Variants in RAB2A observed in about 807,000 individuals in gnomAD.
RAB2A encodes RAB2A, member RAS oncogene family.
A neutral mutation model predicts 32.5 loss-of-function variants in RAB2A; 7 were observed. That is an observed-to-expected ratio of 0.22 (90% confidence interval 0.12 to 0.40). RAB2A has a LOEUF of 0.40. RAB2A is among the 10% of genes least tolerant of loss of function. The pLI, the probability that RAB2A is intolerant of heterozygous loss-of-function variation, is 1.00. For synonymous variants in RAB2A, 79 were observed against 85.2 expected (o/e 0.93, Z 0.40); for missense variants, 108 against 260.7 (o/e 0.41, Z 4.03).
At chr8:60,518,528 C>T (rs1040687183) in intron 1 of RAB2A, among the ~76,000 whole-genome samples, 1 of 137,598 alleles carries the variant, frequency 7.3e-6, no homozygotes, top group Non-Finnish European at 1.5e-5. Context: ...TCGTGGCAGG[C>T]GCCTGTAATC....
intron 7 of RAB2A, among the ~76,000 whole-genome samples, chr8:60,619,448 A>G (rs908221251): frequency 1.3e-5 from 2 of 152,184 alleles, no homozygotes; most frequent in African/African-American, 4.8e-5. Flanking sequence ...TTGTGTTAGG[A>G]AGCCATTATG....
At chr8:60,534,090 C>G (rs1807522034) in intron 1 of RAB2A, among the ~76,000 whole-genome samples, 1 of 152,146 alleles carries the variant, frequency 6.6e-6, no homozygotes, top group Non-Finnish European at 1.5e-5. Context: ...GCCACAATAA[C>G]TATAAGAAAA....
Position 60,572,082 on chromosome 8 carries a change from G to C in RAB2A, c.155G>C (p.Gly52Ala). 6.2e-7 allele frequency: 1 copy of C among 1,608,432 alleles called. No homozygotes were observed. The part of the protein sequence containing the change: ...EFGARMITID[G>A]KQIKLQIWDT... ...GGTGCTCGAATGATAACTATTGATG[G>C]GAAACAGATAAAACTTCAGATATGG... Residue 52 changes from glycine to alanine, a missense_variant, in exon 3 of 8, where the codon GGG (glycine) becomes GCG (alanine). This residue lies in a region of RAB2A where 79 missense variants were observed against 199.8 expected (regional missense o/e 0.40). Transcript: ENST00000262646.
intron 2 of RAB2A, among the ~76,000 whole-genome samples, chr8:60,564,357 G>A (rs1349725947): frequency 6.6e-6 from 1 of 152,120 alleles, no homozygotes; most frequent in Admixed American, 6.5e-5. Context: ...TGCTTTAGTA[G>A]TTCTTTTTGC....
chr8:60,583,937 G>A, intron 3 of RAB2A: 1 of 278,602 alleles, frequency 3.6e-6, no homozygotes, highest in Non-Finnish European at 7.1e-6. Context: ...AAATTGGGTT[G>A]TCAGGGATTG....
At chr8:60,591,082 G>A (rs1283012614) in intron 5 of RAB2A, among the ~76,000 whole-genome samples, 2 of 150,258 alleles carry the variant, frequency 1.3e-5, no homozygotes, top group Non-Finnish European at 3.0e-5. Context: ...CTTTTTTCAT[G>A]TATAAACATG....
intron 5 of RAB2A, among the ~76,000 whole-genome samples, chr8:60,586,227 G>C (rs566480484): frequency 1.3e-5 from 2 of 152,158 alleles, no homozygotes; most frequent in Admixed American, 1.3e-4. Context: ...CTTGAGCCCA[G>C]TTGAGGCTGC....
intron 1 of RAB2A, among the ~76,000 whole-genome samples, chr8:60,518,596 CAAAAAAAAAAAAA>C (rs59503766): frequency 2.9e-4 from 13 of 45,518 alleles, no homozygotes; most frequent in East Asian, 1.1e-3. Context: ...GTGGAGTTTG[CAAAAAAAAAAAAA>C]AAAAAAAAAA....
chr8:60,526,018 TAC>T (rs1563458357), intron 1 of RAB2A, among the ~76,000 whole-genome samples: 1 of 56,448 alleles, frequency 1.8e-5, no homozygotes, highest in Non-Finnish European at 3.7e-5. Flanking sequence ...TGTGTGTGTG[TAC>T]ATATATATAT....
intron 1 of RAB2A, 30 bp downstream of exon 1, chr8:60,517,283 G>T: frequency 6.8e-7 from 1 of 1,475,138 alleles, no homozygotes; most frequent in Non-Finnish European, 9.0e-7. Flanking sequence ...CCGGGCGGGT[G>T]TCGGCGGCCT....
intron 6 of RAB2A, among the ~76,000 whole-genome samples, chr8:60,609,960 CAAAAAAAA>C (rs5891772): frequency 5.0e-5 from 4 of 80,612 alleles, no homozygotes; most frequent in African/African-American, 9.0e-5. Context: ...CCCTGTGTCT[CAAAAAAAA>C]AAAAAAAAAA....
In RAB2A at chr8:60,531,862, G is replaced by T. The variant is rs1807482008; in HGVS notation, c.46+14609G>T. Among the ~76,000 whole-genome samples, 3 of 150,020 alleles carry T rather than the reference G, an allele frequency of 2.0e-5. No individual in the cohort carries two copies. In the South Asian group the frequency reaches 6.3e-4, roughly 32 times the overall value. ...TTGTTGCCCAGGCTATACTACAATG[G>T]CGTGATCTTGGCTCACTGCAACCTC... On this transcript the variant is annotated intron_variant, in intron 1 of 7. Coordinates refer to ENST00000262646, the MANE Select transcript of RAB2A (RefSeq NM_002865.3).
intron 5 of RAB2A, 75 bp downstream of exon 5, chr8:60,584,890 C>A: frequency 9.2e-7 from 1 of 1,091,878 alleles, no homozygotes; most frequent in Non-Finnish European, 1.3e-6. Flanking sequence ...CTTTCCTTAA[C>A]ATTTGTTCAA....
At chr8:60,542,140 T>C (rs1264679468) in intron 1 of RAB2A, among the ~76,000 whole-genome samples, 2 of 152,208 alleles carry the variant, frequency 1.3e-5, no homozygotes, top group Non-Finnish European at 2.9e-5. Context: ...TATGGAAAGC[T>C]TCCTAGAGGA....
At chr8:60,560,514 G>A (rs1454081468) in intron 2 of RAB2A, among the ~76,000 whole-genome samples, 1 of 152,136 alleles carries the variant, frequency 6.6e-6, no homozygotes, top group Non-Finnish European at 1.5e-5. Flanking sequence ...ATTTAGTATA[G>A]GATACTAAAC....
intron 6 of RAB2A, 77 bp downstream of exon 6, chr8:60,592,046 TTTAAG>T (rs1803952510): frequency 1.1e-5 from 10 of 874,904 alleles, no homozygotes; most frequent in Admixed American, 2.7e-5. Context: ...TTACTTATTA[TTTAAG>T]TTTTTAGTCG....
In RAB2A at chr8:60,537,339, A is replaced by C. The variant is rs6471889; in HGVS notation, c.46+20086A>C. Among the ~76,000 whole-genome samples the C allele has an allele frequency of 7.5e-3, 840 of 112,068 alleles. 9 individuals carry two copies. The highest frequency in any genetic ancestry group is 0.023 in the African/African-American group (783 of 33,660). The allele number at this position is 112,068 out of a possible 152,430, so 73.5% of individuals were successfully genotyped here. A position where few individuals can be genotyped will look rare whatever the true frequency, so the allele number is the denominator to read the frequency against. ...CGGGTTCAAGTGATTCTCGTGCCCC[A>C]GCCTCCCAAGTAGCTGGGATTAGAG... On this transcript the variant is annotated intron_variant, in intron 1 of 7. Coordinates refer to ENST00000262646, the MANE Select transcript of RAB2A (RefSeq NM_002865.3).
At chr8:60,562,033 C>G (rs765688168) in intron 2 of RAB2A, among the ~76,000 whole-genome samples, 3 of 152,206 alleles carry the variant, frequency 2.0e-5, no homozygotes, top group Admixed American at 1.3e-4. Context: ...GTCTTTGCTG[C>G]TTGCTACTCC....
chr8:60,590,845 A>C (rs1327916988), intron 5 of RAB2A, among the ~76,000 whole-genome samples: 2 of 151,460 alleles, frequency 1.3e-5, no homozygotes, highest in African/African-American at 4.8e-5. Flanking sequence ...AAGAAATACT[A>C]TTTATGGTTA....
Sources: gnomAD v4.1 joint callset for allele counts (sites outside exome capture counted in the v4.1 genomes callset) on GRCh38, gnomAD v4.1.1 for gene constraint, gnomAD v4.1.1 regional missense constraint, MANE v1.5 for transcripts, NCBI Gene and HGNC (gene_info 2026-07-23, HGNC 2026-07-21) for gene names.